Variants in ZFHX4 observed in about 807,000 individuals in gnomAD.
The protein encoded by ZFHX4 is zinc finger homeobox 4.
A neutral mutation model predicts 267.6 loss-of-function variants in ZFHX4; 56 were observed. The ratio of observed to expected loss-of-function variants is 0.21; its 90% CI spans 0.17 to 0.26. ZFHX4 has a LOEUF of 0.26. ZFHX4 is among the 10% of genes least tolerant of loss of function. The pLI, the probability that ZFHX4 is intolerant of heterozygous loss-of-function variation, is 1.00. For missense variants in ZFHX4, 4,332 were observed against 4,420.0 expected (o/e 0.98, Z 0.56); for synonymous variants, 1,778 against 1,665.6 (o/e 1.07, Z -1.64).
chr8:76,852,974 A>G lies in ZFHX4; in HGVS notation c.6053A>G (p.Gln2018Arg). 1 of 1,551,932 alleles carries G rather than the reference A, an allele frequency of 6.4e-7. No individual in the cohort carries two copies. The highest frequency in any genetic ancestry group is 8.7e-7 in the Non-Finnish European group (1 of 1,147,506). ...PPPPLPPAPP[Q>R]PSSMGPVKIP... ...CCTCCCTTGCCTCCGGCTCCTCCAC[A>G]GCCTTCTTCTATGGGTCCTGTAAAG... is the stretch of plus-strand genomic sequence containing the variant. The change falls in exon 10 of 11, where the codon CAG (glutamine) becomes CGG (arginine). Residue 2018 changes from glutamine (Q) to arginine (R), a missense_variant. This residue lies in a region of ZFHX4 where 1,371 missense variants were observed against 1,423.1 expected (regional missense o/e 0.96). Transcript: ENST00000651372.
chr8:76,704,517 G>A lies in ZFHX4; in HGVS notation c.429G>A (p.Glu143=), dbSNP rs371460335. 2.5e-6 allele frequency: 4 copies of A among 1,613,770 alleles called. No individual in the cohort carries two copies. The African/African-American group carries it at 4.0e-5, about 16-fold the overall frequency. Residue 143 remains glutamate, a synonymous_variant, in exon 2 of 11, where the codon GAG becomes GAA. Coordinates refer to ENST00000651372, the MANE Select transcript of ZFHX4 (RefSeq NM_024721.5). ...CTGATGGGTCAGCATATATAATTGA[G>A]GACTCCAAAGAAAGTGGGCAGAATG... ...YQPDGSAYII[E]DSKESGQNAQ...
At chr8:76,731,174 C>T (rs147675697) in intron 3 of ZFHX4, among the ~76,000 whole-genome samples, 4 of 152,162 alleles carry the variant, frequency 2.6e-5, no homozygotes, top group Admixed American at 2.6e-4. Context: ...CAAAAACACA[C>T]ATTTTTCTCT....
At chr8:76,835,242 T>C (rs1812050480) in intron 5 of ZFHX4, among the ~76,000 whole-genome samples, 1 of 60,848 alleles carries the variant, frequency 1.6e-5, no homozygotes, top group Non-Finnish European at 2.9e-5. Context: ...TATATATATG[T>C]ATATATATAT....
At position 76,853,880 on chromosome 8, in the gene ZFHX4, T is replaced by C; in HGVS notation, c.6959T>C (p.Val2320Ala). The C allele has an allele frequency of 6.2e-7, 1 of 1,613,724 alleles. No homozygotes were observed. ...MQYQCKKCNV[V>A]FPRIFDLITH... ...TACCAGTGTAAAAAGTGCAATGTGG[T>C]TTTCCCCAGGATCTTTGACTTGATT... Residue 2320 changes from valine to alanine, a missense_variant, in exon 10 of 11, where the codon GTT becomes GCT. Val to Ala is a moderately conservative substitution (Grantham distance 64, BLOSUM62 0). Around this residue, in one of 7 missense-constraint regions of ZFHX4, gnomAD observed 1,648 missense variants for 1,625.0 expected, o/e 1.01. Transcript: ENST00000651372.
intron 4 of ZFHX4, among the ~76,000 whole-genome samples, chr8:76,808,131 A>T (rs1049858114): frequency 6.6e-6 from 1 of 152,124 alleles, no homozygotes; most frequent in Non-Finnish European, 1.5e-5. Flanking sequence ...GCTACCATTG[A>T]TTATAATATA....
intron 4 of ZFHX4, among the ~76,000 whole-genome samples, chr8:76,819,779 T>C (rs534681633): frequency 6.6e-6 from 1 of 152,188 alleles, no homozygotes; most frequent in Non-Finnish European, 1.5e-5. Context: ...CCTATTACAT[T>C]CTAATTTTGT....
Position 76,864,429 on chromosome 8 carries a change from G to T in ZFHX4, c.10715G>T (p.Ser3572Ile). ...GTTCAAACCTCACTACCCACAGAAA[G>T]TTGTTCAGATGAGTCTGACAGTGAG... ...SGVQTSLPTE[S>I]CSDESDSELS... is the part of the protein sequence containing the mutation. Residue 3572 changes from serine (S) to isoleucine (I), a missense_variant, in exon 11 of 11, where the codon AGT becomes ATT. By Grantham distance (142) the Ser-to-Ile change is moderately radical. This residue lies in a region of ZFHX4 where 1,648 missense variants were observed against 1,625.0 expected (regional missense o/e 1.01). Transcript: ENST00000651372. 5.0e-6 allele frequency: 8 copies of T among 1,613,632 alleles called. No individual in the cohort carries two copies. Among genetic ancestry groups the T allele is most frequent in the Non-Finnish European group, 6.8e-6 (8 of 1,179,790 alleles).
intron 4 of ZFHX4, among the ~76,000 whole-genome samples, chr8:76,814,405 G>T (rs7013022): frequency 1.3e-5 from 2 of 152,116 alleles, no homozygotes; most frequent in African/African-American, 4.8e-5. Context: ...CCACAAAATA[G>T]CTTATCTAGG....
In ZFHX4 at chr8:76,863,990, T is replaced by G. The variant is rs763357427; in HGVS notation, c.10276T>G (p.Cys3426Gly). 6.2e-7 allele frequency: 1 copy of G among 1,613,702 alleles called. No individual in the cohort carries two copies. The highest frequency in any genetic ancestry group is 1.1e-5 in the South Asian group (1 of 91,046). The change falls in exon 11 of 11, where the codon TGT becomes GGT. Residue 3426 changes from cysteine to glycine, a missense_variant. Cys to Gly is a radical substitution (Grantham distance 159, BLOSUM62 -3). Transcript: ENST00000651372. The stretch of plus-strand genomic sequence containing the variant: ...CGCAGTAAATCATCAAAAGTCCTTC[T>G]GTTATTTCGGTCAGCCTTTGATTGA... Reference protein sequence around the residue: ...DAAVNHQKSFCYFGQPLIDPQ... With the variant: ...DAAVNHQKSFGYFGQPLIDPQ...
chr8:76,808,680 T>G (rs919849774), intron 4 of ZFHX4, among the ~76,000 whole-genome samples: 5 of 152,178 alleles, frequency 3.3e-5, no homozygotes, highest in African/African-American at 9.7e-5. Context: ...TGATTGGCCC[T>G]TTCTACACGA....
chr8:76,863,013 T>C, intron 10 of ZFHX4, 81 bp from the exon 11 acceptor site: 3 of 1,434,588 alleles, frequency 2.1e-6, no homozygotes, highest in Non-Finnish European at 2.7e-6. Context: ...CCTTAGTGAG[T>C]TCTATTTAGG....
chr8:76,705,991 A>T lies in ZFHX4; in HGVS notation c.1903A>T (p.Met635Leu), dbSNP rs1399242432. 6.2e-7 allele frequency: 1 copy of T among 1,612,946 alleles called. No individual in the cohort carries two copies. The highest frequency in any genetic ancestry group is 1.3e-5 in the African/African-American group (1 of 74,738). The change falls in exon 2 of 11, where the codon ATG becomes TTG. Residue 635 changes from methionine to leucine, a missense_variant. Coordinates refer to ENST00000651372, the MANE Select transcript of ZFHX4 (RefSeq NM_024721.5). ...SRSLGGHMTM[M>L]HSRNSCKTLK... ...GTCTCTTGGTGGTCATATGACTATG[A>T]TGCACTCGAGGAACTCATGCAAAAC...
chr8:76,792,797 T>C (rs922938543), intron 4 of ZFHX4, among the ~76,000 whole-genome samples: 1 of 152,190 alleles, frequency 6.6e-6, no homozygotes, highest in Non-Finnish European at 1.5e-5. Context: ...TTTTTCCAGC[T>C]TCTCCATCTG....
intron 3 of ZFHX4, among the ~76,000 whole-genome samples, chr8:76,736,455 T>C (rs988307015): frequency 6.6e-6 from 1 of 152,180 alleles, no homozygotes; most frequent in African/African-American, 2.4e-5. Flanking sequence ...AAGAAAACAT[T>C]TATTATGGTG....
chr8:76,726,981 G>A (rs907097655), intron 3 of ZFHX4, among the ~76,000 whole-genome samples: 5 of 152,122 alleles, frequency 3.3e-5, no homozygotes, highest in African/African-American at 7.2e-5. Flanking sequence ...AATGCTTAGC[G>A]TCATGATGCT....
Position 76,851,644 on chromosome 8 carries a change from G to A in ZFHX4, c.4723G>A (p.Glu1575Lys), listed in dbSNP as rs267602001. 2 of 1,613,778 alleles carry A rather than the reference G, an allele frequency of 1.2e-6. No homozygotes were observed. Among genetic ancestry groups the A allele is most frequent in the African/African-American group, 2.7e-5 (2 of 75,034 alleles). ...GCATAAGCTGAAAAAAGTTTTGCAG[G>A]AAGCCTCCAGTCCTGTCCCACAAGA... ...HLHKLKKVLQ[E>K]ASSPVPQETN... Residue 1575 changes from glutamate (E) to lysine (K), a missense_variant, in exon 10 of 11, where the codon GAA (glutamate) becomes AAA (lysine). Around this residue, in one of 7 missense-constraint regions of ZFHX4, gnomAD observed 1,371 missense variants for 1,423.1 expected, o/e 0.96. Coordinates refer to ENST00000651372, the MANE Select transcript of ZFHX4 (RefSeq NM_024721.5).
chr8:76,772,396 T>C (rs1219272422), intron 3 of ZFHX4, among the ~76,000 whole-genome samples: 1 of 152,280 alleles, frequency 6.6e-6, no homozygotes, highest in Non-Finnish European at 1.5e-5. Context: ...TATGAATACT[T>C]GACCTCGTTA....
chr8:76,787,327 G>A (rs1030195652), intron 4 of ZFHX4, among the ~76,000 whole-genome samples: 1 of 152,118 alleles, frequency 6.6e-6, no homozygotes, highest in African/African-American at 2.4e-5. Context: ...GAAAAAGAGA[G>A]TCTTGAAATA....
chr8:76,728,593 C>T (rs1808916932), intron 3 of ZFHX4, among the ~76,000 whole-genome samples: 1 of 152,178 alleles, frequency 6.6e-6, no homozygotes, highest in Non-Finnish European at 1.5e-5. Flanking sequence ...GAAGAGCATA[C>T]ACCCTTTCAA....
Sources: allele counts gnomAD v4.1 joint callset (sites outside exome capture counted in the v4.1 genomes callset), GRCh38; gene constraint gnomAD v4.1.1; regional missense constraint gnomAD v4.1.1; transcripts MANE v1.5; gene names NCBI Gene and HGNC (gene_info 2026-07-23, HGNC 2026-07-21).